The following MLLT10 variants were observed in gnomAD, a reference collection of about 807,000 sequenced individuals.
MLLT10 encodes protein AF-10.
MLLT10 carries 30 observed loss-of-function variants against 129.1 expected under a neutral mutation model. That is an observed-to-expected ratio of 0.23 (90% CI 0.17 to 0.32). The LOEUF (loss-of-function observed/expected upper bound fraction) is 0.32. MLLT10 is among the 10% of genes least tolerant of loss of function. The probability of loss-of-function intolerance (pLI) is 1.00; values close to 1 mark genes in which losing one functional copy is unlikely to be tolerated. For missense variants in MLLT10, 1,119 were observed against 1,268.3 expected, an observed-to-expected ratio of 0.88 and a Z score of 1.79; for synonymous variants, 490 against 446.4, an observed-to-expected ratio of 1.10 and a Z score of -1.23.
chr10:21,569,481 C>T (rs563431056), intron 3 of MLLT10, among the ~76,000 whole-genome samples: 1 of 150,890 alleles, frequency 6.6e-6, no homozygotes, highest in Admixed American at 6.6e-5. Flanking sequence ...AGTGCAGTGG[C>T]GTGATCTCGG....
At chr10:21,563,011 G>T (rs1172012176) in intron 3 of MLLT10, among the ~76,000 whole-genome samples, 7 of 151,734 alleles carry the variant, frequency 4.6e-5, no homozygotes, top group Middle Eastern at 3.4e-3. Context: ...TAGAGACAGG[G>T]TTTCTCCATG....
chr10:21,627,505 T>C (rs1381582800), intron 8 of MLLT10, among the ~76,000 whole-genome samples: 1 of 152,250 alleles, frequency 6.6e-6, no homozygotes, highest in African/African-American at 2.4e-5. Flanking sequence ...AGCTGTCATG[T>C]CTATTCAGTA....
intron 3 of MLLT10, among the ~76,000 whole-genome samples, chr10:21,580,629 A>G (rs1026374876): frequency 1.3e-5 from 2 of 152,044 alleles, no homozygotes; most frequent in Admixed American, 6.6e-5. Context: ...TGACCTCGTG[A>G]TCTGCCTGCC....
intron 8 of MLLT10, among the ~76,000 whole-genome samples, chr10:21,643,388 T>C (rs1447368661): frequency 1.3e-5 from 2 of 152,240 alleles, no homozygotes; most frequent in African/African-American, 4.8e-5. Flanking sequence ...CATTCTCTTA[T>C]GTAAACATAA....
chr10:21,717,815 T>TTCTTCTCCTCCG lies in MLLT10; in HGVS notation c.1878+3876_1878+3877insGTCTTCTCCTCC, dbSNP rs773767603. 8.0e-3 allele frequency among the ~76,000 whole-genome samples: 1,152 copies of TTCTTCTCCTCCG among 143,158 alleles called. 46 individuals are homozygous for TTCTTCTCCTCCG. Among genetic ancestry groups the TTCTTCTCCTCCG allele is most frequent in the Non-Finnish European group, 0.013 (858 of 64,684 alleles). 93.9% of individuals were successfully genotyped at this position (143,158 alleles called of 152,430 possible). On this transcript the variant is annotated intron_variant, in intron 14 of 22. Coordinates refer to ENST00000307729, the MANE Select transcript of MLLT10 (RefSeq NM_001195626.3). ...CTTCTTCTTCTCCTTCTTCTTCTCC[T>TTCTTCTCCTCCG]TCTTCTCCTCCTTCTCCTCCTCCTT...
chr10:21,672,197 G>GTGTA (rs973211715), intron 10 of MLLT10, among the ~76,000 whole-genome samples: 3 of 151,278 alleles, frequency 2.0e-5, no homozygotes, highest in Non-Finnish European at 2.9e-5. Context: ...GTGTGTGTGT[G>GTGTA]TGTGTGTGTG....
At chr10:21,555,981 C>CA (rs1554789082) in intron 3 of MLLT10, among the ~76,000 whole-genome samples, 8 of 142,844 alleles carry the variant, frequency 5.6e-5, no homozygotes, top group Non-Finnish European at 1.2e-4. Flanking sequence ...GTGCACGGCC[C>CA]TTTTTTTTTT....
intron 13 of MLLT10, among the ~76,000 whole-genome samples, chr10:21,697,934 C>T (rs1010474238): frequency 1.3e-5 from 2 of 152,104 alleles, no homozygotes; most frequent in African/African-American, 2.4e-5. Context: ...TTTCTTTTAT[C>T]GCTACATAAT....
chr10:21,556,598 G>A (rs756673458), intron 3 of MLLT10: 38 of 1,477,986 alleles, frequency 2.6e-5, no homozygotes, highest in South Asian at 1.8e-4. Context: ...AGCCAGTTAC[G>A]CGTTAGTATG....
At chr10:21,570,280 C>G (rs1295010571) in intron 3 of MLLT10, among the ~76,000 whole-genome samples, 1 of 145,928 alleles carries the variant, frequency 6.9e-6, no homozygotes, top group Non-Finnish European at 1.5e-5. Context: ...GCAGTGTTGC[C>G]CACACTGGTC....
chr10:21,694,088 A>G (rs181733974), intron 13 of MLLT10, among the ~76,000 whole-genome samples: 1 of 152,350 alleles, frequency 6.6e-6, no homozygotes, highest in Non-Finnish European at 1.5e-5. Context: ...TTGCAAGTAT[A>G]GTAGAGAGAA....
At chr10:21,571,110 A>G (rs1000116839) in intron 3 of MLLT10, among the ~76,000 whole-genome samples, 4 of 152,154 alleles carry the variant, frequency 2.6e-5, no homozygotes, top group African/African-American at 7.2e-5. Flanking sequence ...TGTCATATCT[A>G]CAATGTGATA....
At chr10:21,704,417 T>A (rs974679096) in intron 13 of MLLT10, among the ~76,000 whole-genome samples, 7 of 148,920 alleles carry the variant, frequency 4.7e-5, no homozygotes, top group African/African-American at 1.5e-4. Context: ...AAATAAATAA[T>A]TAATTTATTA....
chr10:21,682,110 GAT>G (rs2052799974), intron 12 of MLLT10, 113 bp from the exon 13 acceptor site: 1 of 717,790 alleles, frequency 1.4e-6, no homozygotes, highest in Non-Finnish European at 2.2e-6. Flanking sequence ...TTCAAACAAT[GAT>G]ATATGATAGA....
chr10:21,663,808 C>T (rs1178614432), intron 9 of MLLT10, among the ~76,000 whole-genome samples: 4 of 152,058 alleles, frequency 2.6e-5, no homozygotes, highest in Admixed American at 1.3e-4. Flanking sequence ...CCTTGTGATC[C>T]GCCTGCCTCC....
intron 3 of MLLT10, among the ~76,000 whole-genome samples, chr10:21,559,473 A>G (rs2038516555): frequency 6.6e-6 from 1 of 152,268 alleles, no homozygotes; most frequent in South Asian, 2.1e-4. Context: ...GGTAAAATAC[A>G]CATAATACAA....
intron 14 of MLLT10, among the ~76,000 whole-genome samples, chr10:21,724,427 CTT>C (rs1331926587): frequency 6.6e-6 from 1 of 152,202 alleles, no homozygotes; most frequent in African/African-American, 2.4e-5. Flanking sequence ...GTCTTAGTCT[CTT>C]GTGTGCAGTT....
intron 2 of MLLT10, among the ~76,000 whole-genome samples, chr10:21,535,624 T>C (rs940387819): frequency 2.6e-5 from 4 of 152,244 alleles, no homozygotes; most frequent in Non-Finnish European, 4.4e-5. Flanking sequence ...AAGATACTTT[T>C]CTGGCCTTTG....
At chr10:21,533,870 C>T (rs1039500480), upstream of MLLT10, among the ~76,000 whole-genome samples, 4 of 152,242 alleles carry the variant, frequency 2.6e-5, no homozygotes, top group Admixed American at 2.6e-4. Context: ...GAGATGATGC[C>T]CCCGGGGACT....
Sources: gnomAD v4.1 joint callset for allele counts (sites outside exome capture counted in the v4.1 genomes callset) on GRCh38, gnomAD v4.1.1 for gene constraint, MANE v1.5 for transcripts, NCBI Gene and HGNC (gene_info 2026-07-23, HGNC 2026-07-21) for gene names.